Variants in ATP11A observed in about 807,000 individuals in gnomAD.
ATP11A encodes the protein phospholipid-transporting ATPase IH.
In ATP11A, 81 loss-of-function variants were observed where a neutral mutation model predicts 154.4. The ratio of observed to expected loss-of-function variants is 0.52; its 90% confidence interval spans 0.44 to 0.63. The LOEUF is 0.63. Among genes scored for constraint, ATP11A ranks in the 30% least tolerant of loss-of-function variants. The pLI is 0.00. For missense variants in ATP11A, 1,316 were observed against 1,474.3 expected (o/e 0.89, Z 1.76); for synonymous variants, 623 against 585.9 (o/e 1.06, Z -0.91).
chr13:112,818,200 C>T lies in ATP11A; in HGVS notation c.571-1104C>T, dbSNP rs867666953. 6.2e-5 allele frequency among the ~76,000 whole-genome samples: 9 copies of T among 144,666 alleles called. No homozygotes were observed. The East Asian group carries it at 8.1e-4, about 13-fold the overall frequency. 94.9% of individuals were successfully genotyped at this position (144,666 alleles called of 152,430 possible). On this transcript the variant is annotated intron_variant, in intron 6 of 29. Transcript: ENST00000375645. Reference sequence around the variant, plus strand: ...CGGTGACCGTCGGTGCGCTTGGTGACGGGCAGTGACTGTTGGTGCGCTTGG... The same window carrying T: ...CGGTGACCGTCGGTGCGCTTGGTGATGGGCAGTGACTGTTGGTGCGCTTGG...
At chr13:112,780,593 C>T (rs1465549883) in intron 1 of ATP11A, among the ~76,000 whole-genome samples, 1 of 152,140 alleles carries the variant, frequency 6.6e-6, no homozygotes, top group Non-Finnish European at 1.5e-5. Context: ...AACCTTCTCG[C>T]CGAATTTTTT....
rs371585381 is a variant in ATP11A at position 112,804,078 on chromosome 13, C to T, written c.163-879C>T. 3.2e-3 allele frequency among the ~76,000 whole-genome samples: 6 copies of T among 1,900 alleles called. 3 individuals carry two copies. The East Asian group carries it at 0.18, about 58-fold the overall frequency. 1.2% of individuals were successfully genotyped at this position (1,900 alleles called of 152,430 possible). ...CCTCCTTCCCTCCTTCACCTCCCTC[C>T]CCCCATCCCCTCTCTGCCCTCCTTC... On this transcript the variant is annotated intron_variant, in intron 2 of 29. Coordinates refer to ENST00000375645, the MANE Select transcript of ATP11A (RefSeq NM_015205.3).
At chr13:112,841,962 C>T (rs956784610) in intron 16 of ATP11A, among the ~76,000 whole-genome samples, 4 of 152,270 alleles carry the variant, frequency 2.6e-5, no homozygotes, top group African/African-American at 7.2e-5. Context: ...GTCACCCCAA[C>T]GCCCGTCCCG....
At chr13:112,722,171 C>T (rs12870897) in intron 1 of ATP11A, among the ~76,000 whole-genome samples, 69 of 151,888 alleles carry the variant, frequency 4.5e-4, no homozygotes, top group Non-Finnish European at 8.5e-4. Context: ...CCAAAGTGGT[C>T]GGGGCACAGC....
intron 1 of ATP11A, among the ~76,000 whole-genome samples, chr13:112,758,470 C>T (rs977416068): frequency 1.3e-5 from 2 of 151,252 alleles, no homozygotes; most frequent in African/African-American, 2.4e-5. Flanking sequence ...GTCGCCCAGG[C>T]TGGAGTGCAG....
chr13:112,856,349 A>T (rs1207437053), intron 20 of ATP11A: 13 of 72,408 alleles, frequency 1.8e-4, no homozygotes, highest in East Asian at 2.9e-4. Context: ...GACTTCTGTT[A>T]AAAAAAAAAA....
intron 1 of ATP11A, among the ~76,000 whole-genome samples, chr13:112,706,155 G>T (rs1170754461): frequency 6.6e-6 from 1 of 152,130 alleles, no homozygotes; most frequent in African/African-American, 2.4e-5. Flanking sequence ...TGCTAGTTAC[G>T]TTTAAATGCA....
chr13:112,720,935 T>G (rs282562), intron 1 of ATP11A, among the ~76,000 whole-genome samples: 124,098 of 152,050 alleles, frequency 0.82, 50,949 homozygotes, highest in East Asian at 0.91. Flanking sequence ...AGTTTTGAAG[T>G]TGCCTCTGGG....
chr13:112,837,864 C>T (rs993355724), intron 16 of ATP11A, among the ~76,000 whole-genome samples: 3 of 150,086 alleles, frequency 2.0e-5, no homozygotes, highest in East Asian at 2.0e-4. Flanking sequence ...CTCTCGGTGA[C>T]GCCCTGTGAG....
chr13:112,732,263 C>CT (rs1890563229), intron 1 of ATP11A, among the ~76,000 whole-genome samples: 1 of 152,158 alleles, frequency 6.6e-6, no homozygotes. Flanking sequence ...AAAACAAAGT[C>CT]TAACTTACTG....
intron 1 of ATP11A, among the ~76,000 whole-genome samples, chr13:112,773,843 T>C (rs1212348161): frequency 9.9e-5 from 15 of 152,226 alleles, no homozygotes; most frequent in Admixed American, 9.8e-4. Context: ...GAGGTGCACC[T>C]GTGCGGGATT....
rs1885076180 is a variant in ATP11A, at chr13:112,690,847, A to G, written c.39+392A>G. ...CGCCGGGGCCCGGGTCTGGGGAGGAACCTTCAGATGCGGCTTCCGCGCAGC... is the reference window on the plus strand; with the variant it reads ...CGCCGGGGCCCGGGTCTGGGGAGGAGCCTTCAGATGCGGCTTCCGCGCAGC... On this transcript the variant is annotated intron_variant, in intron 1 of 29. Transcript: ENST00000375645. The surrounding 1 kb of genome is among the most constrained non-coding windows in gnomAD (Gnocchi z 5.6). Among the ~76,000 whole-genome samples the G allele has an allele frequency of 6.6e-6, 1 of 152,156 alleles. No homozygotes were observed. Among genetic ancestry groups the G allele is most frequent in the African/African-American group, 2.4e-5 (1 of 41,446 alleles).
At chr13:112,814,761 C>T (rs774007754) in intron 5 of ATP11A, among the ~76,000 whole-genome samples, 1 of 152,212 alleles carries the variant, frequency 6.6e-6, no homozygotes, top group African/African-American at 2.4e-5. Flanking sequence ...GTAGCTGTCT[C>T]AGAAGGCTGG....
At chr13:112,869,041 T>C (rs192933235) in intron 25 of ATP11A, among the ~76,000 whole-genome samples, 21 of 151,794 alleles carry the variant, frequency 1.4e-4, no homozygotes, top group Middle Eastern at 6.8e-3. Context: ...CACCAGGCTC[T>C]CCCTCCAACA....
At chr13:112,857,429 G>A (rs1286379677) in intron 20 of ATP11A, among the ~76,000 whole-genome samples, 1 of 152,170 alleles carries the variant, frequency 6.6e-6, no homozygotes, top group African/African-American at 2.4e-5. Flanking sequence ...ACAGAATGCA[G>A]GGTTCACATT....
In ATP11A at chr13:112,756,496, C is replaced by T. The variant is rs112820951; in HGVS notation, c.40-28639C>T. 1.9e-3 allele frequency among the ~76,000 whole-genome samples: 292 copies of T among 152,302 alleles called. 3 individuals are homozygous for T. Among genetic ancestry groups the T allele is most frequent in the African/African-American group, 5.0e-3 (208 of 41,556 alleles). ...TGTTGAGTCTGACCACTCACTGGGG[C>T]GCTCTCTTGGTAACAGGGTCCCTGT... On this transcript the variant is annotated intron_variant, in intron 1 of 29. Coordinates refer to ENST00000375645, the MANE Select transcript of ATP11A (RefSeq NM_015205.3).
intron 16 of ATP11A, among the ~76,000 whole-genome samples, chr13:112,837,245 A>G (rs2079261971): frequency 6.6e-6 from 1 of 152,186 alleles, no homozygotes; most frequent in Non-Finnish European, 1.5e-5. Flanking sequence ...GTGTCCCCAG[A>G]GGGCACTGCC....
chr13:112,857,636 A>G (rs190638504), intron 20 of ATP11A, among the ~76,000 whole-genome samples, 182 bp from the exon 21 acceptor site: 12 of 152,338 alleles, frequency 7.9e-5, no homozygotes, highest in African/African-American at 2.2e-4. Context: ...TTTGCTTTCA[A>G]TATGAAAAAG....
intron 2 of ATP11A, among the ~76,000 whole-genome samples, chr13:112,791,228 C>T (rs531632065): frequency 5.3e-5 from 8 of 152,228 alleles, no homozygotes; most frequent in Non-Finnish European, 1.2e-4. Context: ...CATACGGTGC[C>T]ATTGTGGACT....
Sources: allele counts gnomAD v4.1 joint callset (sites outside exome capture counted in the v4.1 genomes callset), GRCh38; gene constraint gnomAD v4.1.1; non-coding constraint Gnocchi (gnomAD v3.1); transcripts MANE v1.5; gene names NCBI Gene and HGNC (gene_info 2026-07-23, HGNC 2026-07-21).